The following TC2N variants were observed in gnomAD, a reference collection of about 807,000 sequenced individuals.
TC2N encodes the protein tandem C2 domains nuclear protein.
TC2N carries 51 observed loss-of-function variants against 61.9 expected under a neutral mutation model. The observed-to-expected ratio is 0.82, with a 90% CI of 0.66 to 1.04. The LOEUF (loss-of-function observed/expected upper bound fraction) is 1.04, where lower values mean the gene tolerates loss of function less well. Among genes scored for constraint, TC2N ranks in the 50% least tolerant of loss-of-function variants. The probability of loss-of-function intolerance (pLI) is 0.00; values close to 1 mark genes in which losing one functional copy is unlikely to be tolerated. For missense variants in TC2N, 556 were observed against 566.7 expected (o/e 0.98, Z 0.19); for synonymous variants, 204 against 192.6 (o/e 1.06, Z -0.49).
intron 9 of TC2N, among the ~76,000 whole-genome samples, chr14:91,788,881 ATAAGT>A (rs1270096920): frequency 2.6e-5 from 4 of 152,236 alleles, no homozygotes; most frequent in Admixed American, 1.3e-4. Flanking sequence ...CTTCTAATAA[ATAAGT>A]TAATTTATTG....
chr14:91,858,930 A>T (rs999087518), intron 1 of TC2N, among the ~76,000 whole-genome samples: 1 of 152,184 alleles, frequency 6.6e-6, no homozygotes, highest in African/African-American at 2.4e-5. Flanking sequence ...TAATAGCCCA[A>T]ACAACAAGAG....
chr14:91,807,221 A>G (rs1351576037), intron 3 of TC2N, among the ~76,000 whole-genome samples: 1 of 152,204 alleles, frequency 6.6e-6, no homozygotes, highest in Non-Finnish European at 1.5e-5. Flanking sequence ...CTAGGGCAGT[A>G]TGGAAGGGAA....
chr14:91,831,708 T>C (rs1310051143), intron 1 of TC2N, among the ~76,000 whole-genome samples: 3 of 152,104 alleles, frequency 2.0e-5, no homozygotes, highest in East Asian at 3.8e-4. Context: ...CATACAAAAA[T>C]CAGTTCTACA....
At chr14:91,857,906 C>A (rs1177028507) in intron 1 of TC2N, among the ~76,000 whole-genome samples, 6 of 152,156 alleles carry the variant, frequency 3.9e-5, no homozygotes, top group African/African-American at 1.2e-4. Flanking sequence ...ATTTAACCAG[C>A]TCAGTGCCCA....
At chr14:91,851,825 A>G (rs993321538) in intron 1 of TC2N, among the ~76,000 whole-genome samples, 2 of 152,234 alleles carry the variant, frequency 1.3e-5, no homozygotes, top group African/African-American at 4.8e-5. Flanking sequence ...GTAAAACTCT[A>G]TACGTGGTGG....
chr14:91,847,981 G>C (rs1210580990), intron 1 of TC2N, among the ~76,000 whole-genome samples: 2 of 152,132 alleles, frequency 1.3e-5, no homozygotes, highest in Admixed American at 6.5e-5. Context: ...GCTACCAGGG[G>C]AAGACCCTCC....
At chr14:91,820,762 A>C (rs1419647404) in intron 1 of TC2N, among the ~76,000 whole-genome samples, 6 of 151,994 alleles carry the variant, frequency 3.9e-5, no homozygotes, top group African/African-American at 1.4e-4. Context: ...CTAAGGTTGC[A>C]AGATATAAGA....
At chr14:91,822,489 G>A (rs1274042129) in intron 1 of TC2N, among the ~76,000 whole-genome samples, 1 of 151,870 alleles carries the variant, frequency 6.6e-6, no homozygotes, top group Non-Finnish European at 1.5e-5. Flanking sequence ...CTTTAATTTG[G>A]CTTTTCTAGC....
At chr14:91,847,483 C>G (rs1324558541) in intron 1 of TC2N, among the ~76,000 whole-genome samples, 2 of 152,142 alleles carry the variant, frequency 1.3e-5, no homozygotes, top group Non-Finnish European at 2.9e-5. Context: ...TCTTTGTGTG[C>G]TTACTCTTGG....
At chr14:91,808,508 T>C (rs1886622472) in intron 3 of TC2N, among the ~76,000 whole-genome samples, 1 of 152,346 alleles carries the variant, frequency 6.6e-6, no homozygotes, top group South Asian at 2.1e-4. Flanking sequence ...ATCTTCTCTT[T>C]TCTCAACCCA....
chr14:91,798,493 TA>T, intron 6 of TC2N, 94 bp from the exon 7 acceptor site: 1 of 702,152 alleles, frequency 1.4e-6, no homozygotes, highest in South Asian at 1.7e-5. Flanking sequence ...AGCACAATTT[TA>T]AAATGCTACA....
chr14:91,851,255 T>C (rs1291518671), intron 1 of TC2N, among the ~76,000 whole-genome samples: 4 of 152,180 alleles, frequency 2.6e-5, no homozygotes, highest in African/African-American at 9.7e-5. Flanking sequence ...AATTATATAA[T>C]GAAGACCACT....
chr14:91,823,536 G>GA (rs11376616), intron 1 of TC2N, among the ~76,000 whole-genome samples: 145,605 of 148,700 alleles, frequency 0.98, 71,367 homozygotes, highest in South Asian at 1. Flanking sequence ...AAAAAAAAAA[G>GA]AAAAAAGAAA....
chr14:91,826,326 A>AC (rs1330970226), intron 1 of TC2N, among the ~76,000 whole-genome samples: 2 of 151,150 alleles, frequency 1.3e-5, no homozygotes, highest in Admixed American at 1.3e-4. Context: ...TCTGAAAAAA[A>AC]AAAAAAAAGC....
chr14:91,848,450 C>T (rs1888311327), intron 1 of TC2N, among the ~76,000 whole-genome samples: 1 of 152,166 alleles, frequency 6.6e-6, no homozygotes, highest in Non-Finnish European at 1.5e-5. Context: ...CTGGCATCTC[C>T]CATTTTTGTT....
rs939971907 is a variant in TC2N at position 91,781,728 on chromosome 14, C to G, written c.*1372G>C. ...TGTTCAGTGGCAGAGAGTACTGGTA[C>G]CACAAAATCAGAGCAGTAGAAGCAA... On this transcript the variant is annotated 3_prime_UTR_variant, in exon 12 of 12. Transcript: ENST00000435962. 6.6e-6 allele frequency: 1 copy of G among 151,874 alleles called. No individual in the cohort carries two copies. The highest frequency in any genetic ancestry group is 1.5e-5 in the Non-Finnish European group (1 of 67,942). The allele number at this position is 151,874 out of a possible 1,614,324, so 9.4% of individuals were successfully genotyped here.
chr14:91,819,518 G>T (rs945934361), intron 1 of TC2N, among the ~76,000 whole-genome samples: 3 of 152,070 alleles, frequency 2.0e-5, no homozygotes, highest in Admixed American at 6.6e-5. Flanking sequence ...AAAGTTGAAA[G>T]AACATATTAC....
intron 3 of TC2N, among the ~76,000 whole-genome samples, chr14:91,805,808 A>G (rs952068124): frequency 3.9e-5 from 6 of 152,214 alleles, no homozygotes; most frequent in Non-Finnish European, 8.8e-5. Flanking sequence ...GTAATGTCCT[A>G]GTTTTCACAT....
rs1260208299 is a variant in TC2N at position 91,783,067 on chromosome 14, T to C, written c.*33A>G. On this transcript the variant is annotated 3_prime_UTR_variant, in exon 12 of 12. Coordinates refer to ENST00000435962, the MANE Select transcript of TC2N (RefSeq NM_001128596.3). ...AAATCATAAGTCTTCTAAAAGAATG[T>C]CAAGTTCTTCACCAAATTAATGTGT... 7.4e-7 allele frequency: 1 copy of C among 1,346,030 alleles called. No homozygotes were observed. Among genetic ancestry groups the C allele is most frequent in the East Asian group, 2.3e-5 (1 of 43,242 alleles). 83.4% of individuals were successfully genotyped at this position (1,346,030 alleles called of 1,614,324 possible).
Sources: allele counts gnomAD v4.1 joint callset (sites outside exome capture counted in the v4.1 genomes callset), GRCh38; gene constraint gnomAD v4.1.1; transcripts MANE v1.5; gene names NCBI Gene and HGNC (gene_info 2026-07-23, HGNC 2026-07-21).